MGST1: variants seen among roughly 807,000 people sequenced by gnomAD.
MGST1 encodes the protein glutathione S-transferase 12.
Under a neutral mutation model 8.9 loss-of-function variants are expected in MGST1, and 5 were observed. The ratio of observed to expected loss-of-function variants is 0.56; its 90% CI spans 0.29 to 1.19. The LOEUF is 1.19. Among genes scored for constraint, MGST1 ranks in the 50% most tolerant of loss-of-function variants. The pLI is 0.08. For missense variants in MGST1, 182 were observed against 187.4 expected, an observed-to-expected ratio of 0.97 and a Z score of 0.17; for synonymous variants, 54 against 67.8, an observed-to-expected ratio of 0.80 and a Z score of 1.00.
chr12:16,501,156 G>A (rs1941503961), intron 4 of MGST1, among the ~76,000 whole-genome samples: 2 of 148,106 alleles, frequency 1.4e-5, no homozygotes, highest in Admixed American at 1.3e-4. Context: ...CAAATACACA[G>A]ATATACATTA....
At chr12:16,431,443 A>T (rs1940939221) in intron 1 of MGST1, among the ~76,000 whole-genome samples, 2 of 151,746 alleles carry the variant, frequency 1.3e-5, no homozygotes, top group African/African-American at 4.8e-5. Context: ...TTAAAGTGCG[A>T]GATGTGCAAC....
chr12:16,442,631 T>C (rs1400700010), downstream of MGST1, among the ~76,000 whole-genome samples: 3 of 152,020 alleles, frequency 2.0e-5, no homozygotes, highest in East Asian at 3.9e-4. This position sits in a 1 kb window ranked among gnomAD's most constrained non-coding sequence, Gnocchi z 4.5. Flanking sequence ...TCTGCACTCT[T>C]TATTCTGTTC....
At chr12:16,371,119 A>C (rs950050514) in intron 3 of MGST1, among the ~76,000 whole-genome samples, 2 of 152,160 alleles carry the variant, frequency 1.3e-5, no homozygotes, top group Non-Finnish European at 2.9e-5. Flanking sequence ...TATCACTTGA[A>C]TAGACCAGTA....
chr12:16,466,924 T>A (rs1941259265), intron 4 of MGST1, among the ~76,000 whole-genome samples: 1 of 152,126 alleles, frequency 6.6e-6, no homozygotes, highest in Admixed American at 6.5e-5. Flanking sequence ...CCACTGATAA[T>A]CCCAGTTTTA....
At chr12:16,505,016 C>T (rs895511136) in intron 4 of MGST1, among the ~76,000 whole-genome samples, 2 of 152,104 alleles carry the variant, frequency 1.3e-5, no homozygotes, top group Admixed American at 1.3e-4. Context: ...GAAGTCTTAA[C>T]ATTCTTTCTT....
At chr12:16,417,030 ATTAT>A (rs1024650297) in intron 1 of MGST1, among the ~76,000 whole-genome samples, 4 of 152,158 alleles carry the variant, frequency 2.6e-5, no homozygotes, top group Non-Finnish European at 5.9e-5. Flanking sequence ...TGACAGATAA[ATTAT>A]TTATTCAACA....
intron 1 of MGST1, among the ~76,000 whole-genome samples, chr12:16,429,927 C>T (rs1158519874): frequency 6.6e-6 from 1 of 152,136 alleles, no homozygotes; most frequent in Admixed American, 6.5e-5. Flanking sequence ...TTCTCTGTGG[C>T]ATGTGAGGTT....
intron 1 of MGST1, among the ~76,000 whole-genome samples, chr12:16,428,112 ATTGTCT>A (rs148187724): frequency 0.011 from 1,680 of 151,856 alleles, 38 homozygotes; most frequent in African/African-American, 0.038. Flanking sequence ...AGTTTTTCTA[ATTGTCT>A]TTAAGATGTC....
Position 16,369,860 on chromosome 12 carries a change from C to T in MGST1, c.222-6262C>T. On this transcript the variant is annotated intron_variant, in intron 3 of 3. Coordinates refer to the MGST1 transcript ENST00000535309. This position sits in a 1 kb window ranked among gnomAD's most constrained non-coding sequence, Gnocchi z 4.8. Reference sequence around the variant, plus strand: ...TTTCAAGAGTCTGCAATCATTACATCCACCAACATGCCCTTGGCCAGAGAA... The same window carrying T: ...TTTCAAGAGTCTGCAATCATTACATTCACCAACATGCCCTTGGCCAGAGAA... The T allele has an allele frequency of 6.6e-6, 1 of 152,238 alleles. No individual in the cohort carries two copies. The highest frequency in any genetic ancestry group is 1.9e-4 in the East Asian group (1 of 5,188). 9.4% of individuals were successfully genotyped at this position (152,238 alleles called of 1,614,324 possible). A position where few individuals can be genotyped will look rare whatever the true frequency, so the allele number is the denominator to read the frequency against.
chr12:16,399,672 C>T (rs1940636088), intron 1 of MGST1: 2 of 1,537,582 alleles, frequency 1.3e-6, no homozygotes, highest in Admixed American at 3.3e-5. Context: ...AGACCAGACA[C>T]CTTGTTCGAA....
At chr12:16,465,972 C>T (rs1392215419) in intron 4 of MGST1, among the ~76,000 whole-genome samples, 3 of 152,174 alleles carry the variant, frequency 2.0e-5, no homozygotes, top group African/African-American at 7.2e-5. Context: ...TGTGCGTTCT[C>T]AGTTAATATA....
At position 16,517,868 on chromosome 12, in the gene MGST1, T is replaced by G. The variant is rs1217616085; in HGVS notation, n.483-71660T>G. On this transcript the variant is annotated intron_variant and non_coding_transcript_variant, in intron 4 of 4. Coordinates refer to the MGST1 transcript ENST00000538857. This position sits in a 1 kb window ranked among gnomAD's most constrained non-coding sequence, Gnocchi z 4.2. ...CTAGTTATGTTAATACATAGGTCCCTAAGTTCTTGATTAATGTACATTTAG... is the reference window on the plus strand; with the variant it reads ...CTAGTTATGTTAATACATAGGTCCCGAAGTTCTTGATTAATGTACATTTAG... Among the ~76,000 whole-genome samples the G allele has an allele frequency of 1.3e-5, 2 of 152,240 alleles. No homozygotes were observed. The highest frequency in any genetic ancestry group is 4.8e-5 in the African/African-American group (2 of 41,462).
chr12:16,510,289 G>T (rs1308948405), intron 4 of MGST1, among the ~76,000 whole-genome samples: 2 of 152,162 alleles, frequency 1.3e-5, no homozygotes, highest in African/African-American at 4.8e-5. Flanking sequence ...AGAAGGGAAA[G>T]AGAGAGAACC....
chr12:16,370,717 A>G (rs1940276019), intron 3 of MGST1, among the ~76,000 whole-genome samples: 1 of 152,162 alleles, frequency 6.6e-6, no homozygotes, highest in African/African-American at 2.4e-5. Context: ...CAAGTCACCT[A>G]CTTATGCTCT....
At chr12:16,449,033 A>G (rs1447371873) in intron 4 of MGST1, among the ~76,000 whole-genome samples, 2 of 151,998 alleles carry the variant, frequency 1.3e-5, no homozygotes, top group Non-Finnish European at 2.9e-5. Context: ...AAGAATAATG[A>G]TGCTATGCAG....
chr12:16,430,361 A>G (rs910039588), intron 1 of MGST1, among the ~76,000 whole-genome samples: 2 of 152,200 alleles, frequency 1.3e-5, no homozygotes, highest in Non-Finnish European at 2.9e-5. Context: ...ATTTAGAAAG[A>G]TGAATCTTTT....
chr12:16,356,102 C>T, intron 2 of MGST1, among the ~76,000 whole-genome samples: 1 of 152,182 alleles, frequency 6.6e-6, no homozygotes, highest in East Asian at 1.9e-4. Flanking sequence ...GGACTCCACT[C>T]TCTTCACCTA....
At chr12:16,440,322 T>C (rs540173359), downstream of MGST1, among the ~76,000 whole-genome samples, 45 of 151,884 alleles carry the variant, frequency 3.0e-4, no homozygotes, top group African/African-American at 1.1e-3. Context: ...AATTTTTATA[T>C]TTGGATACTC....
intron 4 of MGST1, among the ~76,000 whole-genome samples, chr12:16,578,860 A>C (rs185146539): frequency 1.4e-5 from 2 of 147,842 alleles, no homozygotes; most frequent in African/African-American, 2.5e-5. Context: ...ACAACAACAA[A>C]ACATTAATTC....
Sources: allele counts gnomAD v4.1 joint callset (sites outside exome capture counted in the v4.1 genomes callset), GRCh38; gene constraint gnomAD v4.1.1; non-coding constraint Gnocchi (gnomAD v3.1); transcripts MANE v1.5; gene names NCBI Gene and HGNC (gene_info 2026-07-23, HGNC 2026-07-21).